Variants in CCDC102B observed in about 807,000 individuals in gnomAD.
The protein encoded by CCDC102B is coiled-coil domain-containing protein 102B.
A neutral mutation model predicts 57.4 loss-of-function variants in CCDC102B; 75 were observed. That is an observed-to-expected ratio of 1.31 (90% CI 1.08 to 1.58). CCDC102B has a LOEUF of 1.58. CCDC102B is among the 40% of genes most tolerant of loss of function. The probability of loss-of-function intolerance (pLI) is 0.00; values close to 1 mark genes in which losing one functional copy is unlikely to be tolerated. For synonymous variants in CCDC102B, 206 were observed against 201.9 expected (o/e 1.02, Z -0.17); for missense variants, 636 against 582.6 (o/e 1.09, Z -0.94).
rs2052780646 is a variant in CCDC102B at position 69,054,432 on chromosome 18, G to A, written c.*295G>A. ...TACTTTTTACATAAAATCTGAAAGA[G>A]TTATAATATCGGTAAGAAAAAGTAA... On this transcript the variant is annotated 3_prime_UTR_variant, in exon 8 of 8. Transcript: ENST00000360242. 1 of 1,050,738 alleles carries A rather than the reference G, an allele frequency of 9.5e-7. No individual in the cohort carries two copies. Among genetic ancestry groups the A allele is most frequent in the Non-Finnish European group, 1.1e-6 (1 of 873,282 alleles). The allele number at this position is 1,050,738 out of a possible 1,614,324, so 65.1% of individuals were successfully genotyped here.
chr18:68,915,170 T>C (rs2041025316), intron 6 of CCDC102B, among the ~76,000 whole-genome samples: 1 of 152,258 alleles, frequency 6.6e-6, no homozygotes, highest in African/African-American at 2.4e-5. Context: ...GCACTCACGC[T>C]TGAAGCTCTG....
intron 7 of CCDC102B, among the ~76,000 whole-genome samples, chr18:69,050,251 G>C (rs972279709): frequency 6.6e-6 from 1 of 152,108 alleles, no homozygotes; most frequent in Non-Finnish European, 1.5e-5. Flanking sequence ...ATAGCACTTC[G>C]ATAAGATGAG....
In CCDC102B at chr18:68,744,258, T is replaced by G. The variant is rs145472714; in HGVS notation, c.-67+27664T>G. On this transcript the variant is annotated intron_variant, in intron 2 of 3. Coordinates refer to the CCDC102B transcript ENST00000578970. The stretch of plus-strand genomic sequence containing the variant: ...ATAATTTTTGGCTTTGGTGGCAGAC[T>G]TGTCTTGGAACTAAGTAATTTGTTG... 4.7e-3 allele frequency among the ~76,000 whole-genome samples: 710 copies of G among 152,350 alleles called. 9 individuals are homozygous for G. Among genetic ancestry groups the G allele is most frequent in the Admixed American group, 4.5e-3 (69 of 15,298 alleles).
intron 6 of CCDC102B, among the ~76,000 whole-genome samples, chr18:69,001,927 T>C (rs1388983771): frequency 6.6e-6 from 1 of 152,218 alleles, no homozygotes; most frequent in Non-Finnish European, 1.5e-5. Context: ...CCCCCTGTTA[T>C]GGCCCCCTTG....
chr18:68,981,572 T>C (rs1462059037), intron 6 of CCDC102B, among the ~76,000 whole-genome samples: 3 of 152,058 alleles, frequency 2.0e-5, no homozygotes, highest in South Asian at 4.1e-4. Flanking sequence ...ACCATGTGTT[T>C]AGTTCCTATT....
chr18:69,057,048 G>C (rs1322643468), downstream of CCDC102B, among the ~76,000 whole-genome samples: 1 of 151,968 alleles, frequency 6.6e-6, no homozygotes, highest in Non-Finnish European at 1.5e-5. Flanking sequence ...TGTTGCATGT[G>C]TCAGAATTTC....
chr18:68,940,916 A>G (rs1479580426), intron 6 of CCDC102B, among the ~76,000 whole-genome samples: 3 of 151,880 alleles, frequency 2.0e-5, no homozygotes, highest in Admixed American at 6.6e-5. Context: ...TCAGAGTACA[A>G]TGTAATTCCC....
At chr18:68,756,250 A>G (rs1016521491) in intron 2 of CCDC102B, among the ~76,000 whole-genome samples, 2 of 151,494 alleles carry the variant, frequency 1.3e-5, no homozygotes, top group East Asian at 1.9e-4. Flanking sequence ...ATTTATATCA[A>G]TAAGTTAATC....
At chr18:68,947,943 T>A (rs564521024) in intron 6 of CCDC102B, among the ~76,000 whole-genome samples, 1 of 152,250 alleles carries the variant, frequency 6.6e-6, no homozygotes, top group South Asian at 2.1e-4. Context: ...ATTTTTTTCT[T>A]ATGTAAGGGA....
chr18:68,970,609 C>T (rs183536444), intron 6 of CCDC102B, among the ~76,000 whole-genome samples: 55 of 151,838 alleles, frequency 3.6e-4, no homozygotes, highest in African/African-American at 1.3e-3. Flanking sequence ...CTTATTTCTA[C>T]CTCAGTTTCC....
intron 5 of CCDC102B, among the ~76,000 whole-genome samples, chr18:68,886,632 C>T (rs2039895497): frequency 6.6e-6 from 1 of 151,880 alleles, no homozygotes; most frequent in Admixed American, 6.6e-5. Context: ...TTTCTGAGTC[C>T]ATTGAAATTT....
chr18:69,004,373 T>C (rs1326224675), intron 6 of CCDC102B, among the ~76,000 whole-genome samples: 2 of 152,176 alleles, frequency 1.3e-5, no homozygotes, highest in South Asian at 2.1e-4. Context: ...GAATGGACCT[T>C]TGGACCTGTC....
intron 4 of CCDC102B, among the ~76,000 whole-genome samples, chr18:68,873,926 A>G (rs2039332809): frequency 6.8e-6 from 1 of 147,914 alleles, no homozygotes; most frequent in South Asian, 2.2e-4. Context: ...AGCTTAAAAT[A>G]TATGTCAATA....
chr18:68,882,984 G>T (rs932558386), intron 5 of CCDC102B, among the ~76,000 whole-genome samples: 5 of 152,178 alleles, frequency 3.3e-5, no homozygotes, highest in Non-Finnish European at 7.3e-5. Context: ...TGGGTAGACG[G>T]TGGAAAGAGG....
chr18:68,805,609 C>T (rs2036005620), intron 1 of CCDC102B, among the ~76,000 whole-genome samples: 1 of 151,548 alleles, frequency 6.6e-6, no homozygotes, highest in Admixed American at 6.6e-5. Flanking sequence ...ATAGCTAGGT[C>T]AAAAAAGAGA....
intron 7 of CCDC102B, among the ~76,000 whole-genome samples, chr18:69,035,130 T>A (rs1348427228): frequency 6.6e-6 from 1 of 152,054 alleles, no homozygotes; most frequent in Non-Finnish European, 1.5e-5. Context: ...TCCATACATA[T>A]AACAATTGCA....
chr18:68,818,500 T>G (rs1193126176), intron 1 of CCDC102B, among the ~76,000 whole-genome samples: 1 of 152,174 alleles, frequency 6.6e-6, no homozygotes, highest in Non-Finnish European at 1.5e-5. Context: ...AATAGAATAT[T>G]GTTGGCATTC....
intron 1 of CCDC102B, among the ~76,000 whole-genome samples, chr18:68,810,671 C>CTTTGTTTGTTTT (rs1568263108): frequency 1.6e-4 from 11 of 70,066 alleles, no homozygotes; most frequent in East Asian, 3.7e-4. Flanking sequence ...ATTTTCTTTT[C>CTTTGTTTGTTTT]TTTTCTTTGT....
intron 1 of CCDC102B, among the ~76,000 whole-genome samples, chr18:68,817,149 CTT>C (rs2036517036): frequency 6.6e-6 from 1 of 152,122 alleles, no homozygotes; most frequent in South Asian, 2.1e-4. Flanking sequence ...TTCTTGATGA[CTT>C]TTATAAAACA....
Sources: gnomAD v4.1 joint callset for allele counts (sites outside exome capture counted in the v4.1 genomes callset) on GRCh38, gnomAD v4.1.1 for gene constraint, MANE v1.5 for transcripts, NCBI Gene and HGNC (gene_info 2026-07-23, HGNC 2026-07-21) for gene names.